The following GPHN variants were observed in gnomAD, a reference collection of about 807,000 sequenced individuals.
GPHN encodes gephyrin.
A neutral mutation model predicts 95.5 loss-of-function variants in GPHN; 17 were observed. The ratio of observed to expected loss-of-function variants is 0.18; its 90% confidence interval spans 0.12 to 0.27. The LOEUF is 0.27. GPHN is among the 10% of genes least tolerant of loss of function. The pLI is 1.00. For synonymous variants in GPHN, 320 were observed against 322.5 expected (o/e 0.99, Z 0.08); for missense variants, 660 against 978.1 (o/e 0.67, Z 4.34).
the GPHN span, chr14:67,320,407 A>C: frequency 6.3e-7 from 1 of 1,582,958 alleles, no homozygotes; most frequent in Non-Finnish European, 8.6e-7. Flanking sequence ...CGTAAGTTTG[A>C]ATGCATTCCC....
chr14:67,672,282 C>T, the GPHN span, among the ~76,000 whole-genome samples: 2 of 151,846 alleles, frequency 1.3e-5, no homozygotes. Flanking sequence ...CCATGCCTGG[C>T]TAATTTTTTT....
chr14:67,422,585 T>C, the GPHN span, among the ~76,000 whole-genome samples: 3 of 152,230 alleles, frequency 2.0e-5, no homozygotes, highest in Non-Finnish European at 2.9e-5. Flanking sequence ...ACAAAGAAGT[T>C]GGGCCTGCCC....
chr14:67,186,997 C>A, the GPHN span, among the ~76,000 whole-genome samples: 2 of 152,018 alleles, frequency 1.3e-5, no homozygotes, highest in Non-Finnish European at 2.9e-5. Context: ...AGACAGGAAA[C>A]GGCTTAAAGA....
At chr14:67,568,718 A>G in the GPHN span, among the ~76,000 whole-genome samples, 2 of 152,126 alleles carry the variant, frequency 1.3e-5, no homozygotes, top group Non-Finnish European at 2.9e-5. Context: ...TGGCTTCCTC[A>G]TTACCAATAT....
At chr14:66,924,051 T>C in intron 7 of GPHN, 143 bp from the exon 8 acceptor site, 2 of 669,158 alleles carry the variant, frequency 3.0e-6, no homozygotes, top group South Asian at 3.3e-5. Context: ...AAATCTAAGC[T>C]GATTCTGTCA....
the GPHN span, among the ~76,000 whole-genome samples, chr14:67,435,116 G>A: frequency 7.9e-4 from 120 of 151,908 alleles, 1 homozygote; most frequent in Middle Eastern, 6.8e-3. Flanking sequence ...ATAGGCACCC[G>A]CCACCATGCC....
At chr14:66,933,857 G>T (rs185698843) in intron 8 of GPHN, among the ~76,000 whole-genome samples, 1 of 152,056 alleles carries the variant, frequency 6.6e-6, no homozygotes, top group African/African-American at 2.4e-5. Context: ...ACAGTCTAGG[G>T]CCTGGGTGCA....
the GPHN span, among the ~76,000 whole-genome samples, chr14:67,516,559 C>G: frequency 1.4e-4 from 22 of 152,196 alleles, no homozygotes; most frequent in Non-Finnish European, 3.1e-4. Context: ...CCATTCTGGG[C>G]AAGAAGCTGA....
At chr14:67,665,442 T>C in the GPHN span, among the ~76,000 whole-genome samples, 2 of 151,864 alleles carry the variant, frequency 1.3e-5, no homozygotes, top group Non-Finnish European at 2.9e-5. Flanking sequence ...CAGCTAATTT[T>C]TTTTTTGGTA....
At chr14:66,700,964 A>G (rs1435101662) in intron 2 of GPHN, among the ~76,000 whole-genome samples, 1 of 152,120 alleles carries the variant, frequency 6.6e-6, no homozygotes, top group Admixed American at 6.5e-5. Context: ...TATTTCAGTT[A>G]TATCACAACT....
chr14:67,445,850 G>A, the GPHN span, among the ~76,000 whole-genome samples: 2 of 152,092 alleles, frequency 1.3e-5, no homozygotes, highest in Non-Finnish European at 2.9e-5. Flanking sequence ...GCCTCCCAAG[G>A]TGCTGGCATT....
intron 17 of GPHN, among the ~76,000 whole-genome samples, chr14:67,136,751 A>G (rs957337674): frequency 1.3e-5 from 2 of 152,200 alleles, no homozygotes; most frequent in African/African-American, 4.8e-5. Flanking sequence ...TGCCTAGTAC[A>G]TACATTCTTA....
the GPHN span, among the ~76,000 whole-genome samples, chr14:67,214,549 T>C: frequency 6.6e-6 from 1 of 152,238 alleles, no homozygotes; most frequent in South Asian, 2.1e-4. Flanking sequence ...ACCAGTACCA[T>C]GCTATTTTGG....
the GPHN span, among the ~76,000 whole-genome samples, chr14:67,299,577 G>C: frequency 6.6e-6 from 1 of 152,190 alleles, no homozygotes; most frequent in African/African-American, 2.4e-5. Context: ...AAAGATAAGG[G>C]ATTAGAGTAT....
intron 8 of GPHN, among the ~76,000 whole-genome samples, chr14:66,930,117 A>C (rs2153565692): frequency 6.6e-6 from 1 of 152,190 alleles, no homozygotes; most frequent in East Asian, 1.9e-4. Context: ...TTGGAGAGTT[A>C]AGTTCATTTA....
intron 9 of GPHN, among the ~76,000 whole-genome samples, chr14:66,974,992 CAAT>C (rs1249585253): frequency 6.6e-6 from 1 of 152,092 alleles, no homozygotes; most frequent in Non-Finnish European, 1.5e-5. Flanking sequence ...AATCACAGCA[CAAT>C]GATTAAAATA....
the GPHN span, among the ~76,000 whole-genome samples, chr14:67,343,696 C>T: frequency 3.3e-5 from 5 of 152,202 alleles, no homozygotes; most frequent in African/African-American, 1.2e-4. Context: ...GAGACCTTGC[C>T]TCTACAAGAA....
At chr14:67,459,477 C>T in the GPHN span, among the ~76,000 whole-genome samples, 1 of 152,184 alleles carries the variant, frequency 6.6e-6, no homozygotes, top group Non-Finnish European at 1.5e-5. Flanking sequence ...TGAATGAAAC[C>T]GATGCCCTTC....
chr14:67,191,907 A>G, the GPHN span, among the ~76,000 whole-genome samples: 1 of 152,264 alleles, frequency 6.6e-6, no homozygotes, highest in Non-Finnish European at 1.5e-5. Context: ...GTAATTCTGC[A>G]GAAACGTACA....
Sources: gnomAD v4.1 joint callset for allele counts (sites outside exome capture counted in the v4.1 genomes callset) on GRCh38, gnomAD v4.1.1 for gene constraint, MANE v1.5 for transcripts, NCBI Gene and HGNC (gene_info 2026-07-23, HGNC 2026-07-21) for gene names.